FBXO10: variants seen among roughly 807,000 people sequenced by gnomAD.
The protein encoded by FBXO10 is F-box protein 10.
FBXO10 carries 39 observed loss-of-function variants against 80.7 expected under a neutral mutation model. The observed-to-expected ratio is 0.48, with a 90% confidence interval of 0.37 to 0.63. The LOEUF (loss-of-function observed/expected upper bound fraction) is 0.63. Among genes scored for constraint, FBXO10 ranks in the 30% least tolerant of loss-of-function variants. The pLI is 0.00. For missense variants in FBXO10, 1,025 were observed against 1,269.0 expected (o/e 0.81, Z 2.92); for synonymous variants, 449 against 489.6 (o/e 0.92, Z 1.09).
intron 1 of FBXO10, among the ~76,000 whole-genome samples, chr9:37,545,438 A>T (rs952559661): frequency 1.5e-4 from 23 of 152,056 alleles, no homozygotes; most frequent in Non-Finnish European, 5.9e-5. Context: ...TGGCCTCCCA[A>T]AGTCCTGGGA....
chr9:37,552,046 A>G (rs896131769), intron 1 of FBXO10, among the ~76,000 whole-genome samples: 1 of 152,142 alleles, frequency 6.6e-6, no homozygotes, highest in Admixed American at 6.5e-5. Context: ...CTTTCTTCCA[A>G]TTTCCAATAC....
intron 1 of FBXO10, among the ~76,000 whole-genome samples, chr9:37,542,586 A>C (rs1281454246): frequency 8.6e-6 from 1 of 116,594 alleles, no homozygotes; most frequent in Non-Finnish European, 1.7e-5. Flanking sequence ...ACAAGAGCGA[A>C]TCTCCATCTC....
At chr9:37,536,715 T>A (rs1821775099) in intron 3 of FBXO10, among the ~76,000 whole-genome samples, 1 of 152,178 alleles carries the variant, frequency 6.6e-6, no homozygotes, top group African/African-American at 2.4e-5. Flanking sequence ...CACAGACGTT[T>A]CCTCAACAAC....
At chr9:37,544,991 CAAA>C (rs59952580) in intron 1 of FBXO10, among the ~76,000 whole-genome samples, 14 of 69,460 alleles carry the variant, frequency 2.0e-4, no homozygotes, top group Non-Finnish European at 3.6e-4. Context: ...GAGACTCTCT[CAAA>C]AAAAAAAAAA....
intron 8 of FBXO10, among the ~76,000 whole-genome samples, chr9:37,521,299 C>A (rs774947728): frequency 6.7e-6 from 1 of 148,250 alleles, no homozygotes; most frequent in African/African-American, 2.6e-5. Flanking sequence ...TCTCCCTGGC[C>A]CCCACGCTGT....
intron 6 of FBXO10, among the ~76,000 whole-genome samples, chr9:37,523,895 C>A (rs1321077234): frequency 2.6e-5 from 4 of 152,176 alleles, no homozygotes; most frequent in African/African-American, 9.6e-5. Context: ...CCAGCCTGGG[C>A]AACAAGAGTG....
At chr9:37,563,208 T>C (rs1165511946) in intron 1 of FBXO10, among the ~76,000 whole-genome samples, 1 of 152,204 alleles carries the variant, frequency 6.6e-6, no homozygotes, top group Non-Finnish European at 1.5e-5. Flanking sequence ...TGATTGTAAG[T>C]TTTCTGAGGC....
At chr9:37,517,642 C>T (rs756709924) in intron 9 of FBXO10, among the ~76,000 whole-genome samples, 16 of 152,060 alleles carry the variant, frequency 1.1e-4, no homozygotes, top group Non-Finnish European at 2.4e-4. Context: ...GGGACTCTTC[C>T]TGAACAAAGA....
chr9:37,512,802 G>T, intron 10 of FBXO10, 81 bp from the exon 11 acceptor site: 1 of 1,436,224 alleles, frequency 7.0e-7, no homozygotes, highest in East Asian at 2.4e-5. Flanking sequence ...CTTAACTTGG[G>T]TTCCAGATCG....
Position 37,521,793 on chromosome 9 carries a change from T to TG in FBXO10, c.1975dup (p.His659ProfsTer19). ...GTAGCTGACGTGGTTGCTGGTGACA[T>TG]GGGGGAGGCTGGACGACATCATCCA... On this transcript the variant is annotated frameshift_variant, in exon 8 of 11. Coordinates refer to ENST00000432825, the MANE Select transcript of FBXO10 (RefSeq NM_012166.3). LOFTEE classifies it high-confidence loss of function. The TG allele has an allele frequency of 6.2e-7, 1 of 1,606,134 alleles. No individual in the cohort carries two copies. Among genetic ancestry groups the TG allele is most frequent in the East Asian group, 2.2e-5 (1 of 44,804 alleles).
chr9:37,515,947 C>T lies in FBXO10; in HGVS notation c.2653G>A (p.Glu885Lys). The part of the protein sequence containing the change: ...TIFQQISNNR[E>K]CIMQNNKFLV... ...AACTTGTTGTTTTGCATGATGCATT[C>T]TCGGTTGTTTGAGATCTGCTGAAAG... Residue 885 changes from glutamate to lysine, a missense_variant, in exon 10 of 11, where the codon GAA (glutamate) becomes AAA (lysine). Physicochemically the swap from Glu to Lys is moderately conservative, Grantham distance 56. Coordinates refer to ENST00000432825, the MANE Select transcript of FBXO10 (RefSeq NM_012166.3). 1 of 1,614,004 alleles carries T rather than the reference C, an allele frequency of 6.2e-7. No homozygotes were observed. The highest frequency in any genetic ancestry group is 8.5e-7 in the Non-Finnish European group (1 of 1,179,886).
chr9:37,522,271 A>T, intron 7 of FBXO10: 1 of 816,438 alleles, frequency 1.2e-6, no homozygotes, highest in Non-Finnish European at 1.5e-6. Flanking sequence ...AAATGGGGTT[A>T]ATAACCGTGC....
At chr9:37,570,992 CAAAA>C (rs149180080) in intron 1 of FBXO10, among the ~76,000 whole-genome samples, 4 of 110,446 alleles carry the variant, frequency 3.6e-5, no homozygotes, top group Non-Finnish European at 4.0e-5. Flanking sequence ...GACTCCGTCT[CAAAA>C]AAAAAAAAAA....
intron 1 of FBXO10, among the ~76,000 whole-genome samples, chr9:37,556,672 T>G (rs1385334224): frequency 6.6e-6 from 1 of 151,254 alleles, no homozygotes; most frequent in Non-Finnish European, 1.5e-5. Context: ...GCCTCCCAAG[T>G]AGCTGGGATT....
rs938895191 is a variant in FBXO10 at position 37,576,364 on chromosome 9, AGCCGCC to A, written c.-166_-161del. Reference sequence around the variant, plus strand: ...GGACAGCTGCCTGGGGATCGTGCGGAGCCGCCGCCGTCATGTGACGCGCAAGGCGGC... The same window carrying A: ...GGACAGCTGCCTGGGGATCGTGCGGAGCCGTCATGTGACGCGCAAGGCGGC... On this transcript the variant is annotated 5_prime_UTR_variant, in exon 1 of 11. Coordinates refer to ENST00000432825, the MANE Select transcript of FBXO10 (RefSeq NM_012166.3). The A allele has an allele frequency of 6.6e-6, 1 of 150,896 alleles. No homozygotes were observed. Among genetic ancestry groups the A allele is most frequent in the African/African-American group, 2.5e-5 (1 of 40,628 alleles). The allele number at this position is 150,896 out of a possible 1,614,324, so 9.3% of individuals were successfully genotyped here.
At chr9:37,527,794 CACAT>C (rs1260543999) in intron 5 of FBXO10, among the ~76,000 whole-genome samples, 2 of 152,080 alleles carry the variant, frequency 1.3e-5, no homozygotes, top group Non-Finnish European at 2.9e-5. Flanking sequence ...ACAGCACACA[CACAT>C]ACAAATACAC....
At position 37,511,329 on chromosome 9, in the gene FBXO10, A is replaced by G. The variant is rs1434449186; in HGVS notation, c.*1218T>C. ...GGCTTTGGGACTTGGACATATTCACAGTACGGTTCAGTAAAGTCCTCTGGG... is the reference window on the plus strand; with the variant it reads ...GGCTTTGGGACTTGGACATATTCACGGTACGGTTCAGTAAAGTCCTCTGGG... On this transcript the variant is annotated 3_prime_UTR_variant, in exon 11 of 11. Transcript: ENST00000432825. 2 of 152,398 alleles carry G rather than the reference A, an allele frequency of 1.3e-5. No individual in the cohort carries two copies. The highest frequency in any genetic ancestry group is 1.3e-4 in the Admixed American group (2 of 15,284). The allele number at this position is 152,398 out of a possible 1,614,324, so 9.4% of individuals were successfully genotyped here.
intron 1 of FBXO10, among the ~76,000 whole-genome samples, chr9:37,542,862 C>T (rs565650591): frequency 2.0e-5 from 3 of 152,292 alleles, no homozygotes; most frequent in Admixed American, 6.5e-5. Context: ...TTGATTTGGG[C>T]TTCTGTGACT....
chr9:37,549,938 C>T (rs755898612), intron 1 of FBXO10, among the ~76,000 whole-genome samples: 3 of 152,090 alleles, frequency 2.0e-5, no homozygotes, highest in African/African-American at 4.8e-5. Context: ...CTGGTGGTAA[C>T]GAAATGTTAA....
Sources: gnomAD v4.1 joint callset for allele counts (sites outside exome capture counted in the v4.1 genomes callset) on GRCh38, gnomAD v4.1.1 for gene constraint, MANE v1.5 for transcripts, NCBI Gene and HGNC (gene_info 2026-07-23, HGNC 2026-07-21) for gene names.